Variants in TMEM135 observed in about 807,000 individuals in gnomAD.
The protein encoded by TMEM135 is transmembrane protein 135.
In TMEM135, 30 loss-of-function variants were observed where a neutral mutation model predicts 60.3. The observed-to-expected ratio is 0.50, with a 90% CI of 0.37 to 0.68. TMEM135 has a LOEUF of 0.68. TMEM135 is among the 30% of genes least tolerant of loss of function. The pLI, the probability that TMEM135 is intolerant of heterozygous loss-of-function variation, is 0.00. For synonymous variants in TMEM135, 190 were observed against 186.7 expected, an observed-to-expected ratio of 1.02 and a Z score of -0.14; for missense variants, 468 against 548.8, an observed-to-expected ratio of 0.85 and a Z score of 1.47.
intron 5 of TMEM135, among the ~76,000 whole-genome samples, chr11:87,174,231 A>T (rs1383052694): frequency 1.3e-5 from 2 of 152,114 alleles, no homozygotes; most frequent in Admixed American, 6.6e-5. Context: ...TTGCAATAAG[A>T]CCTCTGATTT....
intron 4 of TMEM135, among the ~76,000 whole-genome samples, chr11:87,107,491 A>G (rs1264933925): frequency 6.8e-6 from 1 of 147,828 alleles, no homozygotes; most frequent in Non-Finnish European, 1.5e-5. Flanking sequence ...TTCAATTCTC[A>G]CCTATGAGTG....
At chr11:87,041,633 T>C (rs1949750871) in intron 1 of TMEM135, among the ~76,000 whole-genome samples, 1 of 152,200 alleles carries the variant, frequency 6.6e-6, no homozygotes, top group Non-Finnish European at 1.5e-5. Context: ...AGGAGTTAAA[T>C]AGGGTAATAG....
chr11:87,224,363 C>T (rs558074436), intron 5 of TMEM135, among the ~76,000 whole-genome samples: 31 of 152,142 alleles, frequency 2.0e-4, no homozygotes, highest in Non-Finnish European at 4.1e-4. Context: ...CCTTAGTGAA[C>T]AATAATCTTC....
At chr11:87,306,379 G>A (rs1233864331) in intron 9 of TMEM135, among the ~76,000 whole-genome samples, 3 of 152,176 alleles carry the variant, frequency 2.0e-5, no homozygotes, top group Non-Finnish European at 4.4e-5. Context: ...TGTGCTGTGT[G>A]CTAGCTGGAT....
intron 5 of TMEM135, among the ~76,000 whole-genome samples, chr11:87,174,188 T>C (rs893284361): frequency 6.6e-6 from 1 of 152,162 alleles, no homozygotes; most frequent in South Asian, 2.1e-4. Context: ...TAAGGCTTAG[T>C]TGATCCTGTC....
At position 87,098,181 on chromosome 11, in the gene TMEM135, AC is replaced by A. The variant is rs201520394; in HGVS notation, c.396+6788del. ...TGTGAAAAATCAGACCTTGGCGATG[AC>A]CTTGAGCAGTAGGAAAATAATAACT... On this transcript the variant is annotated intron_variant, in intron 4 of 14. Coordinates refer to ENST00000305494, the MANE Select transcript of TMEM135 (RefSeq NM_022918.4). Among the ~76,000 whole-genome samples, 450 of 151,746 alleles carry A rather than the reference AC, an allele frequency of 3.0e-3. 2 individuals carry two copies. Among genetic ancestry groups the A allele is most frequent in the African/African-American group, 0.011 (438 of 41,318 alleles).
intron 2 of TMEM135, 65 bp from the exon 3 acceptor site, chr11:87,071,458 C>T: frequency 8.2e-7 from 1 of 1,226,316 alleles, no homozygotes; most frequent in Non-Finnish European, 1.2e-6. Context: ...AGGGAAACTT[C>T]TATTCATAAT....
At chr11:87,083,944 A>G (rs1857043610) in intron 3 of TMEM135, among the ~76,000 whole-genome samples, 1 of 152,064 alleles carries the variant, frequency 6.6e-6, no homozygotes, top group African/African-American at 2.4e-5. Flanking sequence ...TATTTATAGA[A>G]CATATAATTA....
At chr11:87,038,920 T>C (rs1949727947) in intron 1 of TMEM135, among the ~76,000 whole-genome samples, 1 of 152,218 alleles carries the variant, frequency 6.6e-6, no homozygotes, top group Admixed American at 6.5e-5. Context: ...CACTGAGGAC[T>C]ATTAAAGATG....
At chr11:87,211,316 A>G (rs181367199) in intron 5 of TMEM135, among the ~76,000 whole-genome samples, 2 of 152,318 alleles carry the variant, frequency 1.3e-5, no homozygotes, top group Admixed American at 1.3e-4. Flanking sequence ...CATACTTTTT[A>G]TGCATCCTTA....
At chr11:87,062,575 C>T (rs1013259736) in intron 1 of TMEM135, among the ~76,000 whole-genome samples, 2 of 151,738 alleles carry the variant, frequency 1.3e-5, no homozygotes, top group African/African-American at 2.4e-5. Context: ...AGCGATTCTC[C>T]TGCCTCAGCC....
At chr11:87,130,969 GTTTCTTC>G (rs1470999857) in intron 4 of TMEM135, among the ~76,000 whole-genome samples, 3 of 149,606 alleles carry the variant, frequency 2.0e-5, no homozygotes, top group African/African-American at 7.4e-5. Context: ...TGACCTTCTG[GTTTCTTC>G]TTTCTTTTTA....
chr11:87,255,656 GAA>G (rs34551834), intron 6 of TMEM135, among the ~76,000 whole-genome samples: 6,083 of 148,482 alleles, frequency 0.041, 142 homozygotes, highest in Middle Eastern at 0.073. Context: ...TCTCTTGAAA[GAA>G]AAAAAAAAAA....
chr11:87,118,052 T>A (rs1293315679), intron 4 of TMEM135, among the ~76,000 whole-genome samples: 1 of 150,780 alleles, frequency 6.6e-6, no homozygotes, highest in Non-Finnish European at 1.5e-5. Flanking sequence ...CCTGGTGTGT[T>A]GTCAATGAGT....
chr11:87,108,290 G>T (rs1245353259), intron 4 of TMEM135, among the ~76,000 whole-genome samples: 4 of 152,098 alleles, frequency 2.6e-5, no homozygotes, highest in East Asian at 1.9e-4. Flanking sequence ...ATTAATTTTG[G>T]CTTTTGTTGC....
In TMEM135 at chr11:87,112,362, T is replaced by TA. The variant is rs1320146251; in HGVS notation, c.396+20973dup. Among the ~76,000 whole-genome samples the TA allele has an allele frequency of 2.1e-5, 3 of 144,482 alleles. No individual in the cohort carries two copies. The South Asian group carries it at 6.7e-4, about 32-fold the overall frequency. The allele number at this position is 144,482 out of a possible 152,430, so 94.8% of individuals were successfully genotyped here. On this transcript the variant is annotated intron_variant, in intron 4 of 14. Coordinates refer to ENST00000305494, the MANE Select transcript of TMEM135 (RefSeq NM_022918.4). ...TTCATTCAGTTAACTACTTAAGCCCTAAAAAATCGCTCACTGTTTTACTGT... is the reference window on the plus strand; with the variant it reads ...TTCATTCAGTTAACTACTTAAGCCCTAAAAAAATCGCTCACTGTTTTACTGT...
chr11:87,327,882 G>A lies in TMEM135; in HGVS notation c.*6549G>A, dbSNP rs1349880693. ...TCCCTGCTGCAGGGGAGAGAGAGAA[G>A]CCAATTCTCCTTTCTTCTGTTTTTA... is the stretch of plus-strand genomic sequence containing the variant. On this transcript the variant is annotated 3_prime_UTR_variant, in exon 15 of 15. Coordinates refer to ENST00000305494, the MANE Select transcript of TMEM135 (RefSeq NM_022918.4). 1 of 453,990 alleles carries A rather than the reference G, an allele frequency of 2.2e-6. No homozygotes were observed. 28.1% of individuals were successfully genotyped at this position (453,990 alleles called of 1,614,324 possible).
intron 9 of TMEM135, among the ~76,000 whole-genome samples, chr11:87,306,755 G>T (rs186888572): frequency 6.6e-6 from 1 of 152,154 alleles, no homozygotes; most frequent in East Asian, 1.9e-4. Flanking sequence ...GTCTCGCTCA[G>T]CCACCCAGGC....
At chr11:87,204,204 G>A (rs1432435914) in intron 5 of TMEM135, among the ~76,000 whole-genome samples, 2 of 151,846 alleles carry the variant, frequency 1.3e-5, no homozygotes, top group African/African-American at 2.4e-5. Flanking sequence ...AGTCCCCTAT[G>A]AATCTATCAT....
Sources: gnomAD v4.1 joint callset for allele counts (sites outside exome capture counted in the v4.1 genomes callset) on GRCh38, gnomAD v4.1.1 for gene constraint, MANE v1.5 for transcripts, NCBI Gene and HGNC (gene_info 2026-07-23, HGNC 2026-07-21) for gene names.